The following GRIA1 variants were observed in gnomAD, a reference collection of about 807,000 sequenced individuals.
GRIA1 encodes the protein glutamate receptor 1.
Under a neutral mutation model 99.2 loss-of-function variants are expected in GRIA1, and 31 were observed. That is an observed-to-expected ratio of 0.31 (90% CI 0.23 to 0.42). The LOEUF (loss-of-function observed/expected upper bound fraction) is 0.42, where lower values mean the gene tolerates loss of function less well. Among genes scored for constraint, GRIA1 ranks in the 10% least tolerant of loss-of-function variants. The pLI is 1.00. For missense variants in GRIA1, 782 were observed against 1,157.5 expected, an observed-to-expected ratio of 0.68 and a Z score of 4.71; for synonymous variants, 438 against 432.4, an observed-to-expected ratio of 1.01 and a Z score of -0.16.
chr5:153,664,429 A>T (rs187620690), intron 5 of GRIA1, among the ~76,000 whole-genome samples: 1 of 151,690 alleles, frequency 6.6e-6, no homozygotes, highest in East Asian at 1.9e-4. Context: ...GAGGGCAGTA[A>T]CCCTCTGTGG....
At chr5:153,738,440 A>T (rs558505674) in intron 11 of GRIA1, among the ~76,000 whole-genome samples, 2 of 152,290 alleles carry the variant, frequency 1.3e-5, no homozygotes, top group South Asian at 4.1e-4. Context: ...TTCATAAAAT[A>T]GCGCTAAATA....
chr5:153,499,817 G>A (rs1345704228), intron 2 of GRIA1, among the ~76,000 whole-genome samples: 1 of 151,994 alleles, frequency 6.6e-6, no homozygotes, highest in Non-Finnish European at 1.5e-5. Context: ...TTAAAGGGTG[G>A]AGCAGATTTT....
At chr5:153,499,207 C>T (rs1326658908) in intron 2 of GRIA1, among the ~76,000 whole-genome samples, 2 of 152,126 alleles carry the variant, frequency 1.3e-5, no homozygotes, top group Non-Finnish European at 2.9e-5. Context: ...GATGATGGTA[C>T]TGAGACTGAG....
At chr5:153,594,954 T>C (rs749557338) in intron 2 of GRIA1, among the ~76,000 whole-genome samples, 26 of 152,014 alleles carry the variant, frequency 1.7e-4, no homozygotes, top group South Asian at 6.2e-4. Flanking sequence ...TTGTGATCTG[T>C]GGTTTTATGG....
At chr5:153,696,068 G>T (rs1337282991) in intron 8 of GRIA1, among the ~76,000 whole-genome samples, 2 of 152,184 alleles carry the variant, frequency 1.3e-5, no homozygotes, top group Non-Finnish European at 2.9e-5. Flanking sequence ...ACGTACACAA[G>T]GTACTCAGGG....
In GRIA1 at chr5:153,729,387, TAATAA is replaced by T. The variant is rs1003537823; in HGVS notation, c.1823+23329_1823+23333del. On this transcript the variant is annotated intron_variant, in intron 11 of 15. Coordinates refer to ENST00000285900, the MANE Select transcript of GRIA1 (RefSeq NM_000827.4). ...TACCCTAAAACTTAAAGTATAATAA[TAATAA>T]AATAAAATTAATTAATTAATTGAAA... Among the ~76,000 whole-genome samples the T allele has an allele frequency of 1.9e-4, 29 of 151,860 alleles. No homozygotes were observed. The South Asian group carries it at 3.5e-3, about 19-fold the overall frequency.
intron 2 of GRIA1, among the ~76,000 whole-genome samples, chr5:153,510,552 T>C (rs1755966018): frequency 6.6e-6 from 1 of 152,092 alleles, no homozygotes; most frequent in Non-Finnish European, 1.5e-5. Flanking sequence ...AAAGTTAACA[T>C]GATGAGTTTG....
At chr5:153,732,101 C>G (rs7731539) in intron 11 of GRIA1, among the ~76,000 whole-genome samples, 80,100 of 150,368 alleles carry the variant, frequency 0.53, 22,264 homozygotes, top group East Asian at 0.94. Context: ...AATATATATA[C>G]CACATTTTCT....
intron 5 of GRIA1, 62 bp from the exon 6 acceptor site, chr5:153,674,438 A>G: frequency 6.3e-7 from 1 of 1,580,658 alleles, no homozygotes; most frequent in Middle Eastern, 1.7e-4. Context: ...TGGTTTTGGA[A>G]CAGGTTAAGT....
At chr5:153,793,202 T>C (rs1448455322) in intron 13 of GRIA1, among the ~76,000 whole-genome samples, 1 of 152,172 alleles carries the variant, frequency 6.6e-6, no homozygotes, top group Non-Finnish European at 1.5e-5. Context: ...AATAAAAATG[T>C]TTGCTCTGTC....
intron 4 of GRIA1, among the ~76,000 whole-genome samples, chr5:153,653,278 A>T (rs981866297): frequency 7.2e-5 from 11 of 152,214 alleles, no homozygotes; most frequent in African/African-American, 2.7e-4. Flanking sequence ...AGAGCCTTTA[A>T]GATGGAGGAA....
chr5:153,537,153 G>A (rs35272297), intron 2 of GRIA1, among the ~76,000 whole-genome samples: 12,382 of 152,192 alleles, frequency 0.081, 561 homozygotes, highest in African/African-American at 0.11. Flanking sequence ...CCCTCTCAAC[G>A]CCATACAGTG....
intron 2 of GRIA1, among the ~76,000 whole-genome samples, chr5:153,567,356 G>A (rs1761726959): frequency 6.6e-6 from 1 of 152,208 alleles, no homozygotes; most frequent in African/African-American, 2.4e-5. Flanking sequence ...AGATAATGAA[G>A]TGGAAAATTT....
chr5:153,657,163 A>G (rs1755019601), intron 5 of GRIA1, among the ~76,000 whole-genome samples: 2 of 152,224 alleles, frequency 1.3e-5, no homozygotes, highest in African/African-American at 4.8e-5. Flanking sequence ...TGCTGCTATA[A>G]AATATTAGTG....
intron 11 of GRIA1, among the ~76,000 whole-genome samples, chr5:153,706,992 C>T (rs1292247432): frequency 6.6e-6 from 1 of 151,990 alleles, no homozygotes; most frequent in African/African-American, 2.4e-5. Flanking sequence ...GTGGCAGGTG[C>T]CCGTAATTCC....
chr5:153,600,699 G>C (rs1274149905), intron 2 of GRIA1, among the ~76,000 whole-genome samples: 1 of 152,178 alleles, frequency 6.6e-6, no homozygotes, highest in Non-Finnish European at 1.5e-5. Flanking sequence ...GAAACTGGGA[G>C]AAGAAGCAGA....
chr5:153,695,672 C>T (rs951145545), intron 8 of GRIA1, among the ~76,000 whole-genome samples: 3 of 152,202 alleles, frequency 2.0e-5, no homozygotes, highest in African/African-American at 7.2e-5. Flanking sequence ...ATTCTAGAAA[C>T]GTGAGTTTCT....
chr5:153,548,671 G>A (rs1351271436), intron 2 of GRIA1, among the ~76,000 whole-genome samples: 1 of 152,104 alleles, frequency 6.6e-6, no homozygotes, highest in Non-Finnish European at 1.5e-5. Context: ...AATTATATGA[G>A]GGATACATGT....
chr5:153,605,805 A>G (rs1382191663), intron 2 of GRIA1, among the ~76,000 whole-genome samples: 1 of 152,142 alleles, frequency 6.6e-6, no homozygotes, highest in Non-Finnish European at 1.5e-5. Flanking sequence ...AACAGTTAAT[A>G]CCTTTTTTAA....
Sources: gnomAD v4.1 joint callset for allele counts (sites outside exome capture counted in the v4.1 genomes callset) on GRCh38, gnomAD v4.1.1 for gene constraint, MANE v1.5 for transcripts, NCBI Gene and HGNC (gene_info 2026-07-23, HGNC 2026-07-21) for gene names.